DNAJC21: variants seen among roughly 807,000 people sequenced by gnomAD.
DNAJC21 encodes DnaJ heat shock protein family (Hsp40) member C21.
A neutral mutation model predicts 72.4 loss-of-function variants in DNAJC21; 63 were observed. The ratio of observed to expected loss-of-function variants is 0.87; its 90% CI spans 0.71 to 1.07. The LOEUF is 1.07. Ranked by LOEUF, DNAJC21 falls within the 50% of genes least tolerant of loss-of-function variation. The probability of loss-of-function intolerance (pLI) is 0.00; values close to 1 mark genes in which losing one functional copy is unlikely to be tolerated. For missense variants in DNAJC21, 634 were observed against 644.8 expected, an observed-to-expected ratio of 0.98 and a Z score of 0.18; for synonymous variants, 203 against 216.7, an observed-to-expected ratio of 0.94 and a Z score of 0.56.
At position 34,936,186 on chromosome 5, in the gene DNAJC21, A is replaced by C; in HGVS notation, c.358A>C (p.Lys120Gln). 1 of 1,614,098 alleles carries C rather than the reference A, an allele frequency of 6.2e-7. No individual in the cohort carries two copies. Among genetic ancestry groups the C allele is most frequent in the Non-Finnish European group, 8.5e-7 (1 of 1,179,996 alleles). Reference sequence around the variant, plus strand: ...TCGTAATGTTTTTGAAATGATTGCCAAGGAAGAACTAGAATCTGTGTTAGA... The same window carrying C: ...TCGTAATGTTTTTGAAATGATTGCCCAGGAAGAACTAGAATCTGTGTTAGA... ...VYRNVFEMIA[K>Q]EELESVLEEE... is the part of the protein sequence containing the mutation. Residue 120 changes from lysine to glutamine, a missense_variant, in exon 4 of 12, where the codon AAG becomes CAG. Transcript: ENST00000648817.
intron 9 of DNAJC21, among the ~76,000 whole-genome samples, chr5:34,947,658 T>G (rs926247574): frequency 1.4e-5 from 2 of 143,382 alleles, no homozygotes; most frequent in African/African-American, 5.6e-5. Flanking sequence ...TTCACCATGT[T>G]TTTTTTTTTT....
intron 6 of DNAJC21, among the ~76,000 whole-genome samples, chr5:34,939,268 T>A (rs968892358): frequency 6.6e-6 from 1 of 152,092 alleles, no homozygotes; most frequent in Non-Finnish European, 1.5e-5. Context: ...ACTATTTTTT[T>A]TTTTTTTTGA....
chr5:34,940,803 T>C (rs1764961204), intron 6 of DNAJC21, among the ~76,000 whole-genome samples: 1 of 152,200 alleles, frequency 6.6e-6, no homozygotes, highest in African/African-American at 2.4e-5. Context: ...AACTGCTTCG[T>C]GGTAGAACTA....
chr5:34,950,329 A>C lies in DNAJC21; in HGVS notation c.1345A>C (p.Ser449Arg). Residue 449 changes from serine to arginine, a missense_variant, in exon 10 of 12, where the codon AGT becomes CGT. By Grantham distance (110) the Ser-to-Arg change is moderately radical. Transcript: ENST00000648817. ...EIIKPCDDPK[S>R]EAKSVPKPKG... ...CATTAAACCATGTGATGATCCAAAAAGTGAAGCTAAAAGGTAAGTCAAAGT... is the reference window on the plus strand; with the variant it reads ...CATTAAACCATGTGATGATCCAAAACGTGAAGCTAAAAGGTAAGTCAAAGT... 1 of 1,610,264 alleles carries C rather than the reference A, an allele frequency of 6.2e-7. No individual in the cohort carries two copies. The highest frequency in any genetic ancestry group is 8.5e-7 in the Non-Finnish European group (1 of 1,178,886).
chr5:34,949,675 C>T lies in DNAJC21; in HGVS notation c.1186-495C>T, dbSNP rs139482860. On this transcript the variant is annotated intron_variant, in intron 9 of 11. Coordinates refer to ENST00000648817, the MANE Select transcript of DNAJC21 (RefSeq NM_001012339.3). ...TGCCAAAATGTTGCTTGAAAACAGA[C>T]AGGTACGCTTAGGATATGTTTGCCA... 27 of 1,613,912 alleles carry T rather than the reference C, an allele frequency of 1.7e-5. No homozygotes were observed. The highest frequency in any genetic ancestry group is 2.3e-5 in the Non-Finnish European group (27 of 1,179,918).
At position 34,954,607 on chromosome 5, in the gene DNAJC21, CT is replaced by C. The variant is rs766713589; in HGVS notation, c.1494del (p.Phe498LeufsTer4). On this transcript the variant is annotated frameshift_variant, in exon 12 of 12. Transcript: ENST00000648817. LOFTEE classifies it high-confidence loss of function. ...TAGTGAATTTCCATCTCGGAATAAACTTTTTGACCATCTAAAGGCCACAGGT... is the reference window on the plus strand; with the variant it reads ...TAGTGAATTTCCATCTCGGAATAAACTTTTGACCATCTAAAGGCCACAGGT... Reference protein sequence around the residue: ...CHSEFPSRNKLFDHLKATGHA... With the variant: ...CHSEFPSRNKXFDHLKATGHA... The C allele has an allele frequency of 8.6e-5, 138 of 1,613,344 alleles. No individual in the cohort carries two copies. The highest frequency in any genetic ancestry group is 3.0e-4 in the Admixed American group (18 of 59,830).
At position 34,929,896 on chromosome 5, in the gene DNAJC21, T is replaced by A. The variant is rs1275515455; in HGVS notation, c.77T>A (p.Leu26Gln). ...GAGCTCAAGAAGGCCTATCGGAAGCTGGCCCTGAAATGGCACCCGGGTAAG... is the reference window on the plus strand; with the variant it reads ...GAGCTCAAGAAGGCCTATCGGAAGCAGGCCCTGAAATGGCACCCGGGTAAG... ...EEELKKAYRK[L>Q]ALKWHPDKNL... is the part of the protein sequence containing the mutation. Residue 26 changes from leucine (L) to glutamine (Q), a missense_variant, in exon 1 of 12, where the codon CTG becomes CAG. Coordinates refer to ENST00000648817, the MANE Select transcript of DNAJC21 (RefSeq NM_001012339.3). The A allele has an allele frequency of 6.3e-7, 1 of 1,583,036 alleles. No homozygotes were observed. Among genetic ancestry groups the A allele is most frequent in the African/African-American group, 1.4e-5 (1 of 71,874 alleles).
In DNAJC21 at chr5:34,950,177, A is replaced by G. The variant is rs934565737; in HGVS notation, c.1193A>G (p.Asp398Gly). ...KKKQKPAQNYDDNFNVNGPGE... is the reference protein window; with the variant it reads ...KKKQKPAQNYGDNFNVNGPGE... ...ATATGTTTTATTACCTAGAATTATGATGACAATTTCAATGTAAATGGACCT... is the reference window on the plus strand; with the variant it reads ...ATATGTTTTATTACCTAGAATTATGGTGACAATTTCAATGTAAATGGACCT... Residue 398 changes from aspartate (D) to glycine (G), a missense_variant, in exon 10 of 12, where the codon GAT becomes GGT. By Grantham distance (94) the Asp-to-Gly change is moderately conservative. Transcript: ENST00000648817. 3.1e-6 allele frequency: 5 copies of G among 1,603,316 alleles called. No homozygotes were observed. Among genetic ancestry groups the G allele is most frequent in the Non-Finnish European group, 3.4e-6 (4 of 1,176,556 alleles).
intron 10 of DNAJC21, chr5:34,952,298 AT>A: frequency 1.0e-6 from 1 of 958,882 alleles, no homozygotes; most frequent in Non-Finnish European, 1.2e-6. Context: ...GAAAATTAGT[AT>A]GTATTATTTG....
intron 1 of DNAJC21, chr5:34,930,306 GT>G: frequency 6.3e-6 from 1 of 157,554 alleles, no homozygotes. Context: ...GCCTCTCGGT[GT>G]TTTTCCTCCG....
rs144046917 is a variant in DNAJC21 at position 34,937,543 on chromosome 5, C to T, written c.656C>T (p.Ala219Val). 346 of 1,613,986 alleles carry T rather than the reference C, an allele frequency of 2.1e-4. 1 individual carries two copies. The African/African-American group carries it at 3.2e-3, about 15-fold the overall frequency. ...FIRKRDKRVQ[A>V]HRKLVEEQNA... The stretch of plus-strand genomic sequence containing the variant: ...CGTAAAAGAGATAAAAGAGTGCAGG[C>T]GCATCGAAAACTTGTGGAAGAACAG... Residue 219 changes from alanine to valine, a missense_variant, in exon 5 of 12, where the codon GCG (alanine) becomes GTG (valine). Coordinates refer to ENST00000648817, the MANE Select transcript of DNAJC21 (RefSeq NM_001012339.3).
rs1272159120 is a variant in DNAJC21 at position 34,956,076 on chromosome 5, GAA to G, written c.*1364_*1365del. 4 of 123,252 alleles carry G rather than the reference GAA, an allele frequency of 3.2e-5. No individual in the cohort carries two copies. The highest frequency in any genetic ancestry group is 4.5e-3 in the Middle Eastern group (1 of 224). 7.6% of individuals were successfully genotyped at this position (123,252 alleles called of 1,614,324 possible). A position where few individuals can be genotyped will look rare whatever the true frequency, so the allele number is the denominator to read the frequency against. On this transcript the variant is annotated 3_prime_UTR_variant, in exon 12 of 12. Coordinates refer to ENST00000648817, the MANE Select transcript of DNAJC21 (RefSeq NM_001012339.3). ...TCAAAAAAAAAAAAAAAAAAAAAAA[GAA>G]AGTAATTTTAAACTCACTGGCTTGA...
rs770522994 is a variant in DNAJC21, at chr5:34,937,674, T to C, written c.743+44T>C. 3.2e-6 allele frequency: 5 copies of C among 1,566,086 alleles called. No individual in the cohort carries two copies. The East Asian group carries it at 6.8e-5, about 21-fold the overall frequency. ...GCCCTCTTCTCAGTATCGGTGGGGG[T>C]CAGAGGCAGCACCAGAGGTACCTTA... On this transcript the variant is annotated intron_variant, in intron 5 of 11. Transcript: ENST00000648817.
chr5:34,931,791 C>T (rs989774112), intron 1 of DNAJC21, among the ~76,000 whole-genome samples: 3 of 151,514 alleles, frequency 2.0e-5, no homozygotes, highest in African/African-American at 7.3e-5. Context: ...TTGGGGTCAG[C>T]GGGAGGGGGA....
At chr5:34,945,345 T>C (rs1765139214) in intron 8 of DNAJC21, among the ~76,000 whole-genome samples, 1 of 152,214 alleles carries the variant, frequency 6.6e-6, no homozygotes, top group South Asian at 2.1e-4. Flanking sequence ...CCCAGAGTGC[T>C]GGGGTTACAG....
intron 1 of DNAJC21, chr5:34,930,126 C>T: frequency 2.7e-6 from 1 of 373,832 alleles, no homozygotes; most frequent in East Asian, 4.3e-5. Context: ...CACACCCCAT[C>T]TCCTCATACC....
intron 9 of DNAJC21, among the ~76,000 whole-genome samples, chr5:34,948,249 C>T (rs570564744): frequency 6.6e-6 from 1 of 152,238 alleles, no homozygotes; most frequent in East Asian, 1.9e-4. Flanking sequence ...GAAGCAGTGA[C>T]ACCCCTAGCA....
In DNAJC21 at chr5:34,949,675, C is replaced by A. The variant is rs139482860; in HGVS notation, c.1186-495C>A. On this transcript the variant is annotated intron_variant, in intron 9 of 11. Coordinates refer to ENST00000648817, the MANE Select transcript of DNAJC21 (RefSeq NM_001012339.3). ...TGCCAAAATGTTGCTTGAAAACAGA[C>A]AGGTACGCTTAGGATATGTTTGCCA... 2.2e-5 allele frequency: 35 copies of A among 1,613,794 alleles called. No individual in the cohort carries two copies. The South Asian group carries it at 2.2e-4, about 10-fold the overall frequency.
At position 34,947,656 on chromosome 5, in the gene DNAJC21, G is replaced by GTT. The variant is rs11404640; in HGVS notation, c.1185+1869_1185+1870dup. Reference sequence around the variant, plus strand: ...AGTGTAGACATGCAGTTTTCACCATGTTTTTTTTTTTTTTTTTGAAGAGAT... The same window carrying GTT: ...AGTGTAGACATGCAGTTTTCACCATGTTTTTTTTTTTTTTTTTTTGAAGAGAT... On this transcript the variant is annotated intron_variant, in intron 9 of 11. Transcript: ENST00000648817. Among the ~76,000 whole-genome samples the GTT allele has an allele frequency of 3.2e-3, 282 of 87,296 alleles. 1 individual carries two copies. Among genetic ancestry groups the GTT allele is most frequent in the Admixed American group, 9.2e-3 (72 of 7,852 alleles). 57.3% of individuals were successfully genotyped at this position (87,296 alleles called of 152,430 possible).
Sources: gnomAD v4.1 joint callset for allele counts (sites outside exome capture counted in the v4.1 genomes callset) on GRCh38, gnomAD v4.1.1 for gene constraint, MANE v1.5 for transcripts, NCBI Gene and HGNC (gene_info 2026-07-23, HGNC 2026-07-21) for gene names.